Variants in MSRB3 observed in about 807,000 individuals in gnomAD.
MSRB3 encodes the protein methionine-R-sulfoxide reductase B3.
A neutral mutation model predicts 21.0 loss-of-function variants in MSRB3; 13 were observed. That is an observed-to-expected ratio of 0.62 (90% CI 0.40 to 0.98). The LOEUF is 0.98. Ranked by LOEUF, MSRB3 falls within the 50% of genes least tolerant of loss-of-function variation. The probability of loss-of-function intolerance (pLI) is 0.00; values close to 1 mark genes in which losing one functional copy is unlikely to be tolerated. For missense variants in MSRB3, 199 were observed against 230.3 expected, an observed-to-expected ratio of 0.86 and a Z score of 0.88; for synonymous variants, 87 against 88.6, an observed-to-expected ratio of 0.98 and a Z score of 0.10.
chr12:65,404,023 A>G (rs1214506944), intron 5 of MSRB3, among the ~76,000 whole-genome samples: 1 of 152,194 alleles, frequency 6.6e-6, no homozygotes, highest in Non-Finnish European at 1.5e-5. Context: ...TCTCGCTGGA[A>G]GCTGCAGACC....
At chr12:65,404,059 G>A (rs958549686) in intron 5 of MSRB3, among the ~76,000 whole-genome samples, 2 of 152,190 alleles carry the variant, frequency 1.3e-5, no homozygotes, top group African/African-American at 4.8e-5. Context: ...TGATCATCTT[G>A]CCAGCCACCT....
rs1875201050 is a variant in MSRB3 at position 65,328,508 on chromosome 12, G to A, written c.186-18G>A. ...TAATGCTAACTTTAATTTTTTAAAT[G>A]ATCTGTTTATTTATCAGTGCCTTTG... is the stretch of plus-strand genomic sequence containing the variant. On this transcript the variant is annotated intron_variant, in intron 3 of 6. Transcript: ENST00000308259. 2 of 1,541,174 alleles carry A rather than the reference G, an allele frequency of 1.3e-6. No homozygotes were observed. Among genetic ancestry groups the A allele is most frequent in the Non-Finnish European group, 1.8e-6 (2 of 1,114,450 alleles).
At chr12:65,324,381 A>G (rs1002989134) in intron 2 of MSRB3, among the ~76,000 whole-genome samples, 1 of 152,214 alleles carries the variant, frequency 6.6e-6, no homozygotes, top group Non-Finnish European at 1.5e-5. Context: ...GCTTGCCATT[A>G]AAACGAGGTC....
In MSRB3 at chr12:65,357,283, A is replaced by C. The variant is rs544994105; in HGVS notation, c.264-11715A>C. Among the ~76,000 whole-genome samples, 6 of 151,934 alleles carry C rather than the reference A, an allele frequency of 3.9e-5. No homozygotes were observed. In the East Asian group the frequency reaches 1.2e-3, roughly 30 times the overall value. On this transcript the variant is annotated intron_variant, in intron 4 of 6. Coordinates refer to ENST00000308259, the MANE Select transcript of MSRB3 (RefSeq NM_001031679.3). ...TATATCCTGAGTCTGACTCCTCTTC[A>C]TATCCATTGCTCCTGCTCTAGTCTA...
chr12:65,364,966 A>G (rs1304202826), intron 4 of MSRB3, among the ~76,000 whole-genome samples: 1 of 152,012 alleles, frequency 6.6e-6, no homozygotes. Flanking sequence ...AAGGCCATTA[A>G]TTGGTTTGTG....
intron 5 of MSRB3, among the ~76,000 whole-genome samples, chr12:65,381,132 G>T (rs1878919264): frequency 6.6e-6 from 1 of 152,126 alleles, no homozygotes; most frequent in African/African-American, 2.4e-5. Context: ...TGAAGGATTT[G>T]TTGCAAAGAA....
intron 5 of MSRB3, among the ~76,000 whole-genome samples, chr12:65,450,867 A>G (rs1882825209): frequency 6.6e-6 from 1 of 152,152 alleles, no homozygotes; most frequent in African/African-American, 2.4e-5. Flanking sequence ...CTTTCACATG[A>G]TGAGGGAATT....
intron 5 of MSRB3, among the ~76,000 whole-genome samples, chr12:65,408,984 C>T (rs898703871): frequency 3.9e-5 from 6 of 152,168 alleles, no homozygotes; most frequent in Non-Finnish European, 7.3e-5. Flanking sequence ...ACTGTGACAA[C>T]CTGGTAGGGC....
intron 5 of MSRB3, among the ~76,000 whole-genome samples, chr12:65,410,972 C>G (rs977611462): frequency 6.6e-6 from 1 of 152,162 alleles, no homozygotes; most frequent in African/African-American, 2.4e-5. Context: ...TACCCCACCC[C>G]CACCCTTTTA....
intron 5 of MSRB3, among the ~76,000 whole-genome samples, chr12:65,388,162 A>G (rs2136571362): frequency 6.6e-6 from 1 of 152,346 alleles, no homozygotes; most frequent in East Asian, 1.9e-4. Context: ...TTTAAGACTG[A>G]CAATACATTC....
Position 65,384,752 on chromosome 12 carries a change from T to G in MSRB3, c.292+15726T>G, listed in dbSNP as rs550495528. On this transcript the variant is annotated intron_variant, in intron 5 of 6. Transcript: ENST00000308259. ...ATTCTTAAATACATTCATTAAAGTGTTAATATTTACTAGGTTTAACATAAA... is the reference window on the plus strand; with the variant it reads ...ATTCTTAAATACATTCATTAAAGTGGTAATATTTACTAGGTTTAACATAAA... Among the ~76,000 whole-genome samples the G allele has an allele frequency of 8.5e-5, 13 of 152,270 alleles. No individual in the cohort carries two copies. The South Asian group carries it at 2.7e-3, about 32-fold the overall frequency.
intron 1 of MSRB3, 61 bp downstream of exon 1, chr12:65,278,926 A>T: frequency 8.0e-7 from 1 of 1,245,544 alleles, no homozygotes; most frequent in Non-Finnish European, 1.1e-6. Flanking sequence ...CGACCCTGCC[A>T]CGTTAGGGTG....
chr12:65,458,592 CTG>C (rs1172668083), intron 6 of MSRB3, among the ~76,000 whole-genome samples: 1 of 152,096 alleles, frequency 6.6e-6, no homozygotes, highest in Non-Finnish European at 1.5e-5. Context: ...AGATTCTTCA[CTG>C]TCTTCATTAT....
At chr12:65,291,070 T>C (rs1432492317) in intron 1 of MSRB3, among the ~76,000 whole-genome samples, 1 of 152,040 alleles carries the variant, frequency 6.6e-6, no homozygotes, top group East Asian at 1.9e-4. Context: ...TCTTTTTTCC[T>C]GTATTCTGTG....
chr12:65,337,595 A>G (rs1227813144), intron 4 of MSRB3, among the ~76,000 whole-genome samples: 1 of 152,190 alleles, frequency 6.6e-6, no homozygotes, highest in African/African-American at 2.4e-5. Context: ...AAAGGATCAC[A>G]GAAACATGCT....
chr12:65,458,298 A>G (rs1640063523), intron 6 of MSRB3, among the ~76,000 whole-genome samples: 1 of 152,210 alleles, frequency 6.6e-6, no homozygotes, highest in Admixed American at 6.5e-5. Context: ...CCATGCATAC[A>G]GTGAATTAGG....
chr12:65,375,930 G>T (rs1592578650), intron 5 of MSRB3, among the ~76,000 whole-genome samples: 1 of 148,750 alleles, frequency 6.7e-6, no homozygotes. Flanking sequence ...ACTTATTAAA[G>T]TTTTTTTTTT....
chr12:65,404,786 C>G (rs1022718810), intron 5 of MSRB3, among the ~76,000 whole-genome samples: 16 of 152,126 alleles, frequency 1.1e-4, no homozygotes, highest in Non-Finnish European at 2.4e-4. Flanking sequence ...ACTCTCTTTG[C>G]AATTTTCTCA....
Position 65,323,973 on chromosome 12 carries a change from T to C in MSRB3, c.77-2853T>C, listed in dbSNP as rs2136446512. ...AAAATCACAATAGTTGTTTCTAGTC[T>C]ACATATATTTCCTTTTGGTATTAGA... On this transcript the variant is annotated intron_variant, in intron 2 of 6. Coordinates refer to ENST00000308259, the MANE Select transcript of MSRB3 (RefSeq NM_001031679.3). 3.3e-5 allele frequency among the ~76,000 whole-genome samples: 5 copies of C among 152,322 alleles called. 1 individual carries two copies. The Middle Eastern group carries it at 0.014, about 414-fold the overall frequency.
Sources: allele counts gnomAD v4.1 joint callset (sites outside exome capture counted in the v4.1 genomes callset), GRCh38; gene constraint gnomAD v4.1.1; transcripts MANE v1.5; gene names NCBI Gene and HGNC (gene_info 2026-07-23, HGNC 2026-07-21).